SRP19: variants seen among roughly 807,000 people sequenced by gnomAD.
The protein encoded by SRP19 is signal recognition particle 19, also known as signal recognition particle 19 kDa protein.
A neutral mutation model predicts 22.4 loss-of-function variants in SRP19; 11 were observed. The ratio of observed to expected loss-of-function variants is 0.49; its 90% confidence interval spans 0.31 to 0.81. SRP19 has a LOEUF of 0.81. Ranked by LOEUF, SRP19 falls within the 40% of genes least tolerant of loss-of-function variation. The pLI is 0.05. For missense variants in SRP19, 168 were observed against 175.9 expected (o/e 0.96, Z 0.25); for synonymous variants, 61 against 57.6 (o/e 1.06, Z -0.27).
downstream of SRP19, chr5:112,896,551 AAATGTTATATTCTCTGTC>A (rs1768686336): frequency 6.6e-6 from 1 of 152,286 alleles, no homozygotes; most frequent in African/African-American, 2.4e-5. Flanking sequence ...AAGAAAAGAA[AAATGTTATATTCTCTGTC>A]AATGGGTGAA....
At chr5:112,896,742 G>C (rs1768691380), downstream of SRP19, 1 of 151,852 alleles carries the variant, frequency 6.6e-6, no homozygotes, top group Admixed American at 6.6e-5. Context: ...AGACCAGCCT[G>C]GCCAACATGG....
At chr5:112,878,939 G>A in intron 4 of SRP19, 3 of 1,565,620 alleles carry the variant, frequency 1.9e-6, no homozygotes, top group Non-Finnish European at 2.6e-6. Flanking sequence ...AACAAAACTT[G>A]GATGACTCAT....
At position 112,862,517 on chromosome 5, in the gene SRP19, T is replaced by C. The variant is rs1446184624; in HGVS notation, c.51T>C (p.Cys17=). ...CTATTGTCTATGGCAGGTTTATTTG[T>C]ATCTATCCTGCTTATTTAAATAATA... ...RSPADQDRFI[C]IYPAYLNNKK... is the part of the protein sequence containing the mutation. The change falls in exon 2 of 5, where the codon TGT becomes TGC. Residue 17 remains cysteine (C), a synonymous_variant. Transcript: ENST00000505459. 2.5e-6 allele frequency: 4 copies of C among 1,613,680 alleles called. No individual in the cohort carries two copies. The Admixed American group carries it at 6.7e-5, about 27-fold the overall frequency.
intron 4 of SRP19, chr5:112,876,239 C>T (rs563248883): frequency 6.6e-6 from 1 of 152,120 alleles, no homozygotes; most frequent in Non-Finnish European, 1.5e-5. Context: ...AGGCAAGAAC[C>T]ACCAGGAGAA....
intron 4 of SRP19, among the ~76,000 whole-genome samples, chr5:112,890,118 C>T (rs1343119386): frequency 6.7e-6 from 1 of 150,214 alleles, no homozygotes; most frequent in Admixed American, 6.6e-5. Context: ...TGAGCCACCG[C>T]ACCCGGCCAC....
chr5:112,883,073 C>T (rs1198293156), intron 4 of SRP19, among the ~76,000 whole-genome samples: 1 of 152,156 alleles, frequency 6.6e-6, no homozygotes, highest in African/African-American at 2.4e-5. Flanking sequence ...TCATTTTTTG[C>T]TCTGTTGAAT....
rs1216550297 is a variant in SRP19, at chr5:112,868,328, G to A, written c.*791G>A. On this transcript the variant is annotated 3_prime_UTR_variant, in exon 5 of 5. Coordinates refer to ENST00000505459, the MANE Select transcript of SRP19 (RefSeq NM_003135.3). ...TATCCCAATTCCTGTTCTTCCTGAG[G>A]CCTGGTTTAGCTCTTCCTTGAATTC... 2 of 985,964 alleles carry A rather than the reference G, an allele frequency of 2.0e-6. No individual in the cohort carries two copies. Among genetic ancestry groups the A allele is most frequent in the Non-Finnish European group, 2.4e-6 (2 of 830,368 alleles). The allele number at this position is 985,964 out of a possible 1,614,324, so 61.1% of individuals were successfully genotyped here.
intron 4 of SRP19, among the ~76,000 whole-genome samples, chr5:112,888,096 C>G (rs934526281): frequency 5.9e-5 from 9 of 152,236 alleles, no homozygotes; most frequent in African/African-American, 2.2e-4. Context: ...AAGTCACTTA[C>G]AGAGATTCCA....
At chr5:112,894,140 T>TG (rs1261977204), downstream of SRP19, 2 of 144,956 alleles carry the variant, frequency 1.4e-5, no homozygotes, top group African/African-American at 5.3e-5. Flanking sequence ...TTTTTTTTTT[T>TG]GAGACGGAGT....
chr5:112,875,373 T>G (rs1161691909), intron 4 of SRP19, among the ~76,000 whole-genome samples: 3 of 30,892 alleles, frequency 9.7e-5, no homozygotes, highest in African/African-American at 1.6e-4. Flanking sequence ...TTGTTTTTGG[T>G]TTTTTTTTTT....
downstream of SRP19, among the ~76,000 whole-genome samples, chr5:112,873,625 G>A (rs1767808441): frequency 6.6e-6 from 1 of 151,984 alleles, no homozygotes; most frequent in African/African-American, 2.4e-5. Context: ...GGGATTACGG[G>A]CATGAGCCAC....
downstream of SRP19, chr5:112,896,996 T>G (rs567942026): frequency 6.6e-6 from 1 of 152,292 alleles, no homozygotes; most frequent in African/African-American, 2.4e-5. Flanking sequence ...AGATATTAAT[T>G]GCAGCATTAT....
At chr5:112,876,865 A>T (rs993068977) in intron 4 of SRP19, 2 of 152,182 alleles carry the variant, frequency 1.3e-5, no homozygotes, top group African/African-American at 2.4e-5. Context: ...ATAGTATTTT[A>T]AAACTAATTT....
intron 4 of SRP19, among the ~76,000 whole-genome samples, chr5:112,883,203 G>T (rs1768130627): frequency 6.6e-6 from 1 of 152,156 alleles, no homozygotes; most frequent in Non-Finnish European, 1.5e-5. Flanking sequence ...CTCCTTTGCA[G>T]GAAATTTCTC....
chr5:112,875,942 G>A (rs1767884021), intron 4 of SRP19, among the ~76,000 whole-genome samples: 1 of 151,864 alleles, frequency 6.6e-6, no homozygotes, highest in Non-Finnish European at 1.5e-5. Context: ...AGCTACTCGG[G>A]AGGCTGAGGC....
At position 112,891,768 on chromosome 5, in the gene SRP19, G is replaced by A. The variant is rs1231415710; in HGVS notation, c.*161G>A. The stretch of plus-strand genomic sequence containing the variant: ...AACGTCGGCAGGAACTTGCTCGACT[G>A]AGAGACTCAGGACTCTCACAGGAGG... On this transcript the variant is annotated 3_prime_UTR_variant, in exon 5 of 5. Transcript: ENST00000391338. 1.9e-6 allele frequency: 3 copies of A among 1,613,920 alleles called. No individual in the cohort carries two copies. In the South Asian group the frequency reaches 3.3e-5, roughly 18 times the overall value.
At chr5:112,874,714 A>G (rs141592983), downstream of SRP19, among the ~76,000 whole-genome samples, 9 of 152,084 alleles carry the variant, frequency 5.9e-5, no homozygotes, top group East Asian at 1.7e-3. Flanking sequence ...CTGAGAGGAC[A>G]GTAATCTTTT....
chr5:112,892,005 A>G (rs771432824), exon 5 of SRP19: 1 of 1,280,952 alleles, frequency 7.8e-7, no homozygotes, highest in Non-Finnish European at 1.1e-6. Flanking sequence ...AGCAGAGGAA[A>G]GAGAGAGAAG....
At chr5:112,887,091 G>T (rs199535089) in intron 4 of SRP19, 8 of 1,613,584 alleles carry the variant, frequency 5.0e-6, no homozygotes, top group Non-Finnish European at 6.8e-6. Context: ...TCTGGGACTC[G>T]TGCTTCAGGA....
Sources: gnomAD v4.1 joint callset for allele counts (sites outside exome capture counted in the v4.1 genomes callset) on GRCh38, gnomAD v4.1.1 for gene constraint, MANE v1.5 for transcripts, NCBI Gene and HGNC (gene_info 2026-07-23, HGNC 2026-07-21) for gene names.